HSPA1A: variants seen among roughly 807,000 people sequenced by gnomAD.
The protein encoded by HSPA1A is heat shock protein family A (Hsp70) member 1A.
HSPA1A carries 5 observed loss-of-function variants against 8.8 expected under a neutral mutation model. The ratio of observed to expected loss-of-function variants is 0.57; its 90% CI spans 0.30 to 1.19. The LOEUF (loss-of-function observed/expected upper bound fraction) is 1.19, where lower values mean the gene tolerates loss of function less well. Ranked by LOEUF, HSPA1A falls within the 50% of genes most tolerant of loss-of-function variation. The pLI is 0.08. For missense variants in HSPA1A, 207 were observed against 430.7 expected, an observed-to-expected ratio of 0.48 and a Z score of 4.60; for synonymous variants, 112 against 188.4, an observed-to-expected ratio of 0.59 and a Z score of 3.32.
rs761312038 is a variant in HSPA1A, at chr6:31,815,729, CG to C, written c.-26del. 1 of 1,613,878 alleles carries C rather than the reference CG, an allele frequency of 6.2e-7. No individual in the cohort carries two copies. The highest frequency in any genetic ancestry group is 1.1e-5 in the South Asian group (1 of 91,072). ...CCGTTTCCAGCCCCCAATCTCAGAG[CG>C]GAGCCGACAGAGAGCAGGGAACCGG... On this transcript the variant is annotated 5_prime_UTR_variant, in exon 1 of 1. Coordinates refer to ENST00000375651, the MANE Select transcript of HSPA1A (RefSeq NM_005345.6).
Position 31,815,678 on chromosome 6 carries a change from C to G in HSPA1A, c.-79C>G. On this transcript the variant is annotated 5_prime_UTR_variant, in exon 1 of 1. Transcript: ENST00000375651. ...TCGAGTTTCCGGCGTCCGGAAGGACCGAGCTCTTCTCGCGGATCCAGTGTT... is the reference window on the plus strand; with the variant it reads ...TCGAGTTTCCGGCGTCCGGAAGGACGGAGCTCTTCTCGCGGATCCAGTGTT... 6.2e-7 allele frequency: 1 copy of G among 1,613,326 alleles called. No homozygotes were observed. The highest frequency in any genetic ancestry group is 8.5e-7 in the Non-Finnish European group (1 of 1,179,946).
chr6:31,817,936 A>C lies in HSPA1A; in HGVS notation c.*254A>C. 1 of 1,409,874 alleles carries C rather than the reference A, an allele frequency of 7.1e-7. No homozygotes were observed. The highest frequency in any genetic ancestry group is 9.2e-7 in the Non-Finnish European group (1 of 1,081,518). 87.3% of individuals were successfully genotyped at this position (1,409,874 alleles called of 1,614,324 possible). On this transcript the variant is annotated 3_prime_UTR_variant, in exon 1 of 1. Transcript: ENST00000375651. ...TTACTTCAAAGTAAATAAACTTTAAAATTCAAGTGATGCCTTTTATTCCTT... is the reference window on the plus strand; with the variant it reads ...TTACTTCAAAGTAAATAAACTTTAACATTCAAGTGATGCCTTTTATTCCTT...
rs1302000751 is a variant in HSPA1A, at chr6:31,815,556, A to G, written c.-201A>G. The G allele has an allele frequency of 4.6e-6, 6 of 1,298,768 alleles. No individual in the cohort carries two copies. The highest frequency in any genetic ancestry group is 5.4e-6 in the Non-Finnish European group (5 of 931,420). The allele number at this position is 1,298,768 out of a possible 1,614,324, so 80.5% of individuals were successfully genotyped here. On this transcript the variant is annotated 5_prime_UTR_variant, in exon 1 of 1. Coordinates refer to ENST00000375651, the MANE Select transcript of HSPA1A (RefSeq NM_005345.6). ...AGCGGTCCGGATAACGGCTAGCCTGAGGAGCTGCTGCGACAGTCCACTACC... is the reference window on the plus strand; with the variant it reads ...AGCGGTCCGGATAACGGCTAGCCTGGGGAGCTGCTGCGACAGTCCACTACC...
Position 31,816,199 on chromosome 6 carries a change from C to T in HSPA1A, c.443C>T (p.Ala148Val). The change falls in exon 1 of 1, where the codon GCC becomes GTC. Residue 148 changes from alanine to valine, a missense_variant. Physicochemically the swap from Ala to Val is moderately conservative, Grantham distance 64. Transcript: ENST00000375651. ...ACCAACGCGGTGATCACCGTGCCGG[C>T]CTACTTCAACGACTCGCAGCGCCAG... ...PVTNAVITVP[A>V]YFNDSQRQAT... 2.5e-6 allele frequency: 1 copy of T among 405,882 alleles called. No homozygotes were observed. The highest frequency in any genetic ancestry group is 2.3e-5 in the South Asian group (1 of 43,642). 25.1% of individuals were successfully genotyped at this position (405,882 alleles called of 1,614,324 possible).
Position 31,815,580 on chromosome 6 carries a change from C to T in HSPA1A, c.-177C>T, listed in dbSNP as rs898186051. 14 of 1,474,148 alleles carry T rather than the reference C, an allele frequency of 9.5e-6. No individual in the cohort carries two copies. The highest frequency in any genetic ancestry group is 1.4e-5 in the African/African-American group (1 of 71,404). 91.3% of individuals were successfully genotyped at this position (1,474,148 alleles called of 1,614,324 possible). ...GAGGAGCTGCTGCGACAGTCCACTA[C>T]CTTTTTCGAGAGTGACTCCCGTTGT... On this transcript the variant is annotated 5_prime_UTR_variant, in exon 1 of 1. Coordinates refer to ENST00000375651, the MANE Select transcript of HSPA1A (RefSeq NM_005345.6).
In HSPA1A at chr6:31,816,893, CCTG is replaced by C. The variant is rs1214778976; in HGVS notation, c.1138_1140del (p.Leu380del). 9.3e-6 allele frequency: 2 copies of C among 215,298 alleles called. No individual in the cohort carries two copies. Among genetic ancestry groups the C allele is most frequent in the South Asian group, 5.4e-5 (2 of 36,782 alleles). The allele number at this position is 215,298 out of a possible 1,614,324, so 13.3% of individuals were successfully genotyped here. A position where few individuals can be genotyped will look rare whatever the true frequency, so the allele number is the denominator to read the frequency against. ...ACGGGGCGGCGGTGCAGGCGGCCAT[CCTG>C]ATGGGGGACAAGTCCGAGAACGTGC... On this transcript the variant is annotated inframe_deletion, in exon 1 of 1. Transcript: ENST00000375651.
Position 31,815,696 on chromosome 6 carries a change from C to A in HSPA1A, c.-61C>A. 6.2e-7 allele frequency: 1 copy of A among 1,613,632 alleles called. No homozygotes were observed. The highest frequency in any genetic ancestry group is 1.1e-5 in the South Asian group (1 of 91,068). The stretch of plus-strand genomic sequence containing the variant: ...GAAGGACCGAGCTCTTCTCGCGGAT[C>A]CAGTGTTCCGTTTCCAGCCCCCAAT... On this transcript the variant is annotated 5_prime_UTR_variant, in exon 1 of 1. Coordinates refer to ENST00000375651, the MANE Select transcript of HSPA1A (RefSeq NM_005345.6).
Position 31,815,687 on chromosome 6 carries a change from C to A in HSPA1A, c.-70C>A. On this transcript the variant is annotated 5_prime_UTR_variant, in exon 1 of 1. Coordinates refer to ENST00000375651, the MANE Select transcript of HSPA1A (RefSeq NM_005345.6). ...CGGCGTCCGGAAGGACCGAGCTCTT[C>A]TCGCGGATCCAGTGTTCCGTTTCCA... is the stretch of plus-strand genomic sequence containing the variant. The A allele has an allele frequency of 6.2e-7, 1 of 1,613,434 alleles. No individual in the cohort carries two copies. Among genetic ancestry groups the A allele is most frequent in the Non-Finnish European group, 8.5e-7 (1 of 1,179,922 alleles).
Position 31,815,972 on chromosome 6 carries a change from G to A in HSPA1A, c.216G>A (p.Arg72=). The A allele has an allele frequency of 6.8e-7, 1 of 1,480,124 alleles. No homozygotes were observed. 91.7% of individuals were successfully genotyped at this position (1,480,124 alleles called of 1,614,324 possible). A position where few individuals can be genotyped will look rare whatever the true frequency, so the allele number is the denominator to read the frequency against. The change falls in exon 1 of 1, where the codon CGG becomes CGA. Residue 72 remains arginine, a synonymous_variant. Coordinates refer to ENST00000375651, the MANE Select transcript of HSPA1A (RefSeq NM_005345.6). The part of the protein sequence containing the change: ...NPQNTVFDAK[R]LIGRKFGDPV... The stretch of plus-strand genomic sequence containing the variant: ...AGAACACCGTGTTTGACGCGAAGCG[G>A]CTGATTGGCCGCAAGTTCGGCGACC...
rs995250089 is a variant in HSPA1A, at chr6:31,815,581, C to T, written c.-176C>T. ...AGGAGCTGCTGCGACAGTCCACTAC[C>T]TTTTTCGAGAGTGACTCCCGTTGTC... On this transcript the variant is annotated 5_prime_UTR_variant, in exon 1 of 1. Transcript: ENST00000375651. 6.7e-6 allele frequency: 10 copies of T among 1,483,042 alleles called. No individual in the cohort carries two copies. The highest frequency in any genetic ancestry group is 1.9e-5 in the Admixed American group (1 of 52,252). 91.9% of individuals were successfully genotyped at this position (1,483,042 alleles called of 1,614,324 possible). A position where few individuals can be genotyped will look rare whatever the true frequency, so the allele number is the denominator to read the frequency against.
chr6:31,817,827 T>C lies in HSPA1A; in HGVS notation c.*145T>C. On this transcript the variant is annotated 3_prime_UTR_variant, in exon 1 of 1. Transcript: ENST00000375651. Reference sequence around the variant, plus strand: ...CTGAACTTGCTTTTTTTCCGGTTTCTACATGCAGAGATGAATTTATACTGC... The same window carrying C: ...CTGAACTTGCTTTTTTTCCGGTTTCCACATGCAGAGATGAATTTATACTGC... 16 of 1,455,204 alleles carry C rather than the reference T, an allele frequency of 1.1e-5. No homozygotes were observed. Among genetic ancestry groups the C allele is most frequent in the Non-Finnish European group, 1.2e-5 (13 of 1,103,736 alleles). The allele number at this position is 1,455,204 out of a possible 1,614,324, so 90.1% of individuals were successfully genotyped here.
Position 31,815,544 on chromosome 6 carries a change from A to C in HSPA1A, c.-213A>C. The C allele has an allele frequency of 8.2e-7, 1 of 1,220,198 alleles. No homozygotes were observed. The highest frequency in any genetic ancestry group is 1.3e-5 in the South Asian group (1 of 74,356). 75.6% of individuals were successfully genotyped at this position (1,220,198 alleles called of 1,614,324 possible). A position where few individuals can be genotyped will look rare whatever the true frequency, so the allele number is the denominator to read the frequency against. The stretch of plus-strand genomic sequence containing the variant: ...AGCCCAGGGGCAAGCGGTCCGGATA[A>C]CGGCTAGCCTGAGGAGCTGCTGCGA... On this transcript the variant is annotated 5_prime_UTR_variant, in exon 1 of 1. Transcript: ENST00000375651.
In HSPA1A at chr6:31,815,796, A is replaced by C. The variant is rs1815913009; in HGVS notation, c.40A>C (p.Thr14Pro). 1 of 1,613,302 alleles carries C rather than the reference A, an allele frequency of 6.2e-7. No individual in the cohort carries two copies. The highest frequency in any genetic ancestry group is 8.5e-7 in the Non-Finnish European group (1 of 1,179,918). Residue 14 changes from threonine to proline, a missense_variant, in exon 1 of 1, where the codon ACC (threonine) becomes CCC (proline). Coordinates refer to ENST00000375651, the MANE Select transcript of HSPA1A (RefSeq NM_005345.6). The part of the protein sequence containing the change: ...AAAIGIDLGT[T>P]YSCVGVFQHG... ...GGCGATCGGCATCGACCTGGGCACCACCTACTCCTGCGTGGGGGTGTTCCA... is the reference window on the plus strand; with the variant it reads ...GGCGATCGGCATCGACCTGGGCACCCCCTACTCCTGCGTGGGGGTGTTCCA...
chr6:31,816,015 A>T lies in HSPA1A; in HGVS notation c.259A>T (p.Met87Leu), dbSNP rs1235703632. 8.5e-7 allele frequency: 1 copy of T among 1,180,300 alleles called. No individual in the cohort carries two copies. The highest frequency in any genetic ancestry group is 1.2e-6 in the Non-Finnish European group (1 of 864,344). 73.1% of individuals were successfully genotyped at this position (1,180,300 alleles called of 1,614,324 possible). The change falls in exon 1 of 1, where the codon ATG becomes TTG. Residue 87 changes from methionine to leucine, a missense_variant. Met to Leu is a conservative substitution (Grantham distance 15, BLOSUM62 2). Around this residue, in one of 5 missense-constraint regions of HSPA1A, gnomAD observed 129 missense variants for 173.1 expected, o/e 0.75. Coordinates refer to ENST00000375651, the MANE Select transcript of HSPA1A (RefSeq NM_005345.6). The stretch of plus-strand genomic sequence containing the variant: ...CGGCGACCCGGTGGTGCAGTCGGAC[A>T]TGAAGCACTGGCCTTTCCAGGTGAT... ...KFGDPVVQSD[M>L]KHWPFQVIND... is the part of the protein sequence containing the mutation.
In HSPA1A at chr6:31,817,858, T is replaced by TA; in HGVS notation, c.*177dup. On this transcript the variant is annotated 3_prime_UTR_variant, in exon 1 of 1. Transcript: ENST00000375651. ...CAGAGATGAATTTATACTGCCATCTTACGACTATTTCTTCTTTTTAATACA... is the reference window on the plus strand; with the variant it reads ...CAGAGATGAATTTATACTGCCATCTTAACGACTATTTCTTCTTTTTAATACA... 6.9e-7 allele frequency: 1 copy of TA among 1,443,126 alleles called. No homozygotes were observed. Among genetic ancestry groups the TA allele is most frequent in the Non-Finnish European group, 9.1e-7 (1 of 1,097,550 alleles). 89.4% of individuals were successfully genotyped at this position (1,443,126 alleles called of 1,614,324 possible). A position where few individuals can be genotyped will look rare whatever the true frequency, so the allele number is the denominator to read the frequency against.
rs561977200 is a variant in HSPA1A at position 31,815,634 on chromosome 6, G to T, written c.-123G>T. On this transcript the variant is annotated 5_prime_UTR_variant, in exon 1 of 1. Transcript: ENST00000375651. ...AAGGCTTCCCAGAGCGAACCTGTGC[G>T]GCTGCAGGCACCGGCGCGTCGAGTT... 6.2e-7 allele frequency: 1 copy of T among 1,609,356 alleles called. No individual in the cohort carries two copies. The highest frequency in any genetic ancestry group is 1.1e-5 in the South Asian group (1 of 90,784).
chr6:31,817,931 T>A lies in HSPA1A; in HGVS notation c.*249T>A. On this transcript the variant is annotated 3_prime_UTR_variant, in exon 1 of 1. Transcript: ENST00000375651. ...GTTGGTTACTTCAAAGTAAATAAACTTTAAAATTCAAGTGATGCCTTTTAT... is the reference window on the plus strand; with the variant it reads ...GTTGGTTACTTCAAAGTAAATAAACATTAAAATTCAAGTGATGCCTTTTAT... The A allele has an allele frequency of 5.7e-6, 8 of 1,413,290 alleles. No individual in the cohort carries two copies. The highest frequency in any genetic ancestry group is 7.4e-6 in the Non-Finnish European group (8 of 1,083,452). The allele number at this position is 1,413,290 out of a possible 1,614,324, so 87.5% of individuals were successfully genotyped here.
chr6:31,815,570 C>A lies in HSPA1A; in HGVS notation c.-187C>A. 7.2e-7 allele frequency: 1 copy of A among 1,396,424 alleles called. No homozygotes were observed. Among genetic ancestry groups the A allele is most frequent in the Non-Finnish European group, 9.9e-7 (1 of 1,013,938 alleles). The allele number at this position is 1,396,424 out of a possible 1,614,324, so 86.5% of individuals were successfully genotyped here. A position where few individuals can be genotyped will look rare whatever the true frequency, so the allele number is the denominator to read the frequency against. ...CGGCTAGCCTGAGGAGCTGCTGCGA[C>A]AGTCCACTACCTTTTTCGAGAGTGA... On this transcript the variant is annotated 5_prime_UTR_variant, in exon 1 of 1. Transcript: ENST00000375651.
Position 31,816,054 on chromosome 6 carries a change from A to G in HSPA1A, c.298A>G (p.Lys100Glu). ...TTTCCAGGTGATCAACGACGGAGAC[A>G]AGCCCAAGGTGCAGGTGAGCTACAA... ...WPFQVINDGD[K>E]PKVQVSYKGE... The change falls in exon 1 of 1, where the codon AAG (lysine) becomes GAG (glutamate). Residue 100 changes from lysine (K) to glutamate (E), a missense_variant. Transcript: ENST00000375651. 1.2e-6 allele frequency: 1 copy of G among 843,874 alleles called. No individual in the cohort carries two copies. Among genetic ancestry groups the G allele is most frequent in the Non-Finnish European group, 1.7e-6 (1 of 582,514 alleles). 52.3% of individuals were successfully genotyped at this position (843,874 alleles called of 1,614,324 possible).
Sources: gnomAD v4.1 joint callset for allele counts on GRCh38, gnomAD v4.1.1 for gene constraint, gnomAD v4.1.1 regional missense constraint, MANE v1.5 for transcripts, NCBI Gene and HGNC (gene_info 2026-07-23, HGNC 2026-07-21) for gene names.